Variants in CNOT4 observed in about 807,000 individuals in gnomAD.
CNOT4 encodes CCR4-NOT transcription complex subunit 4.
In CNOT4, 8 loss-of-function variants were observed where a neutral mutation model predicts 73.8. The observed-to-expected ratio is 0.11, with a 90% CI of 0.06 to 0.20. The LOEUF (loss-of-function observed/expected upper bound fraction) is 0.20, where lower values mean the gene tolerates loss of function less well. Among genes scored for constraint, CNOT4 ranks in the 10% least tolerant of loss-of-function variants. CNOT4 has a pLI of 1.00. For missense variants in CNOT4, 564 were observed against 883.4 expected, an observed-to-expected ratio of 0.64 and a Z score of 4.58; for synonymous variants, 293 against 321.1, an observed-to-expected ratio of 0.91 and a Z score of 0.94.
intron 1 of CNOT4, among the ~76,000 whole-genome samples, chr7:135,458,574 C>G (rs768224586): frequency 6.6e-6 from 1 of 152,102 alleles, no homozygotes; most frequent in Admixed American, 6.6e-5. Context: ...GCAATCCTCT[C>G]GAACCCTGTC....
chr7:135,388,387 T>C (rs1796230441), intron 10 of CNOT4: 1 of 984,736 alleles, frequency 1.0e-6, no homozygotes, highest in Non-Finnish European at 1.2e-6. Flanking sequence ...CATTATCTTG[T>C]TAATTTGCAA....
rs1011615774 is a variant in CNOT4, at chr7:135,509,998, T to C, written c.-202A>G. The stretch of plus-strand genomic sequence containing the variant: ...AAAAACTCTTCAGAACCGGGCCTGA[T>C]TGCTTCAGCGAGTCCGACCTTTACG... On this transcript the variant is annotated 5_prime_UTR_variant, in exon 1 of 12. Transcript: ENST00000541284. 14 of 398,964 alleles carry C rather than the reference T, an allele frequency of 3.5e-5. No homozygotes were observed. Among genetic ancestry groups the C allele is most frequent in the African/African-American group, 1.0e-4 (5 of 48,622 alleles). 24.7% of individuals were successfully genotyped at this position (398,964 alleles called of 1,614,324 possible).
At chr7:135,413,458 C>T in intron 6 of CNOT4, 30 bp downstream of exon 6, 2 of 1,600,780 alleles carry the variant, frequency 1.2e-6, no homozygotes, top group East Asian at 2.2e-5. Flanking sequence ...CCCTTTTCTG[C>T]AAAGTTGATA....
chr7:135,506,678 T>A (rs538858778), intron 1 of CNOT4, among the ~76,000 whole-genome samples: 4 of 151,900 alleles, frequency 2.6e-5, no homozygotes, highest in Admixed American at 1.3e-4. Context: ...TGAAACCCCG[T>A]CTCCACTAAA....
chr7:135,499,183 T>A (rs988588031), intron 1 of CNOT4, among the ~76,000 whole-genome samples: 1 of 152,152 alleles, frequency 6.6e-6, no homozygotes, highest in Admixed American at 6.6e-5. Context: ...ATTTGTCAGG[T>A]TTTGAGACGG....
At chr7:135,446,712 TAC>T (rs918194596) in intron 1 of CNOT4, among the ~76,000 whole-genome samples, 1 of 151,446 alleles carries the variant, frequency 6.6e-6, no homozygotes, top group Admixed American at 6.6e-5. Context: ...AGATATGAAA[TAC>T]ACACACAGAC....
At chr7:135,422,661 G>T (rs949115428) in intron 2 of CNOT4, among the ~76,000 whole-genome samples, 2 of 152,128 alleles carry the variant, frequency 1.3e-5, no homozygotes, top group African/African-American at 2.4e-5. Flanking sequence ...TTTATGGGAA[G>T]ATTAAGCCTC....
At chr7:135,389,605 T>C (rs1286117092) in intron 10 of CNOT4, among the ~76,000 whole-genome samples, 3 of 152,048 alleles carry the variant, frequency 2.0e-5, no homozygotes, top group Non-Finnish European at 4.4e-5. Flanking sequence ...ATCAAGTCAC[T>C]GTTAAAACAG....
At chr7:135,445,583 T>G (rs112565316) in intron 1 of CNOT4, among the ~76,000 whole-genome samples, 3,397 of 152,290 alleles carry the variant, frequency 0.022, 119 homozygotes, top group African/African-American at 0.07. Context: ...ATTGTAAACT[T>G]AGATTTATTT....
chr7:135,425,836 T>G (rs1272930292), intron 2 of CNOT4, among the ~76,000 whole-genome samples: 2 of 152,146 alleles, frequency 1.3e-5, no homozygotes, highest in Non-Finnish European at 2.9e-5. Context: ...CCATTACAAT[T>G]CCTTCACTAC....
intron 2 of CNOT4, among the ~76,000 whole-genome samples, chr7:135,433,065 T>C (rs1437407445): frequency 3.3e-5 from 5 of 152,186 alleles, no homozygotes. Context: ...TCTTCGATCA[T>C]ATTCTTGGAT....
At chr7:135,488,572 A>C (rs1268769196) in intron 1 of CNOT4, among the ~76,000 whole-genome samples, 2 of 152,212 alleles carry the variant, frequency 1.3e-5, no homozygotes, top group Non-Finnish European at 2.9e-5. Flanking sequence ...AAGTTTATAA[A>C]AATGTACAAA....
At chr7:135,505,355 A>C (rs1486346141) in intron 1 of CNOT4, among the ~76,000 whole-genome samples, 1 of 152,098 alleles carries the variant, frequency 6.6e-6, no homozygotes, top group Admixed American at 6.6e-5. Context: ...CAGTTCGAGA[A>C]CAGCTGGTCA....
chr7:135,415,801 T>C (rs904590195), intron 3 of CNOT4, among the ~76,000 whole-genome samples: 3 of 152,196 alleles, frequency 2.0e-5, no homozygotes, highest in Non-Finnish European at 4.4e-5. Flanking sequence ...TTATGATTTA[T>C]CATTGTGCAT....
In CNOT4 at chr7:135,442,586, C is replaced by G. The variant is rs1799550421; in HGVS notation, c.-92-4163G>C. On this transcript the variant is annotated intron_variant, in intron 1 of 11. Transcript: ENST00000541284. ...TGCACTGCAGCCTGGGCAACAAGAG[C>G]AAAAACTTCGTTTCAAAAATAAATA... 2.0e-5 allele frequency among the ~76,000 whole-genome samples: 3 copies of G among 151,756 alleles called. No individual in the cohort carries two copies. In the South Asian group the frequency reaches 6.3e-4, roughly 32 times the overall value.
At position 135,483,343 on chromosome 7, in the gene CNOT4, A is replaced by T. The variant is rs527808740; in HGVS notation, c.-93+26546T>A. 3.3e-5 allele frequency among the ~76,000 whole-genome samples: 5 copies of T among 152,124 alleles called. No homozygotes were observed. The East Asian group carries it at 7.7e-4, about 23-fold the overall frequency. ...ACAGTTTAAGACTTTGTCTCAAAAAAAAAAATAAAAATAAAGCAATATATT... is the reference window on the plus strand; with the variant it reads ...ACAGTTTAAGACTTTGTCTCAAAAATAAAAATAAAAATAAAGCAATATATT... On this transcript the variant is annotated intron_variant, in intron 1 of 11. Coordinates refer to ENST00000541284, the MANE Select transcript of CNOT4 (RefSeq NM_001190850.2).
intron 7 of CNOT4, among the ~76,000 whole-genome samples, chr7:135,404,978 A>C (rs1271127646): frequency 2.0e-5 from 3 of 152,192 alleles, no homozygotes; most frequent in Non-Finnish European, 2.9e-5. Flanking sequence ...GTTTCATTTA[A>C]GCAAATTTGA....
chr7:135,415,912 C>T (rs561973471), intron 3 of CNOT4, among the ~76,000 whole-genome samples: 8 of 152,094 alleles, frequency 5.3e-5, no homozygotes, highest in African/African-American at 1.4e-4. Context: ...CAAATTTACA[C>T]GTTTCTTTCT....
chr7:135,453,826 T>TTTTATATATA (rs1275359797), intron 1 of CNOT4, among the ~76,000 whole-genome samples: 2 of 89,902 alleles, frequency 2.2e-5, no homozygotes, highest in African/African-American at 3.9e-5. Context: ...TATATATATT[T>TTTTATATATA]TATATATATA....
Sources: gnomAD v4.1 joint callset for allele counts (sites outside exome capture counted in the v4.1 genomes callset) on GRCh38, gnomAD v4.1.1 for gene constraint, MANE v1.5 for transcripts, NCBI Gene and HGNC (gene_info 2026-07-23, HGNC 2026-07-21) for gene names.